Variants in DNAH6 observed in about 807,000 individuals in gnomAD.
DNAH6 encodes the protein axonemal beta dynein heavy chain 6.
In DNAH6, 340 loss-of-function variants were observed where a neutral mutation model predicts 491.4. The observed-to-expected ratio is 0.69, with a 90% CI of 0.63 to 0.76. DNAH6 has a LOEUF of 0.76. Among genes scored for constraint, DNAH6 ranks in the 30% least tolerant of loss-of-function variants. DNAH6 has a pLI of 0.00. For synonymous variants in DNAH6, 1,603 were observed against 1,686.1 expected (o/e 0.95, Z 1.21); for missense variants, 4,443 against 4,972.2 (o/e 0.89, Z 3.20).
At chr2:84,794,387 G>A (rs1678101893) in intron 68 of DNAH6, among the ~76,000 whole-genome samples, 1 of 151,454 alleles carries the variant, frequency 6.6e-6, no homozygotes, top group Non-Finnish European at 1.5e-5. Context: ...AGAGTGAACA[G>A]GCAACCCACA....
chr2:84,726,167 G>A (rs377421379), intron 60 of DNAH6, among the ~76,000 whole-genome samples: 61 of 152,276 alleles, frequency 4.0e-4, no homozygotes, highest in African/African-American at 1.3e-3. Context: ...AGGAGTGGAG[G>A]ATGCTTCTTG....
At chr2:84,624,678 C>G in intron 28 of DNAH6, 58 bp downstream of exon 28, 3 of 1,501,164 alleles carry the variant, frequency 2.0e-6, no homozygotes, top group Non-Finnish European at 1.8e-6. Context: ...AATCAAAAGT[C>G]TTGAAAAGTT....
At chr2:84,663,032 G>A (rs1238839441) in intron 37 of DNAH6, among the ~76,000 whole-genome samples, 1 of 152,188 alleles carries the variant, frequency 6.6e-6, no homozygotes, top group Non-Finnish European at 1.5e-5. Flanking sequence ...GGTCCTGACT[G>A]TTAGAAGGAA....
chr2:84,576,700 G>A (rs562095940), intron 12 of DNAH6, among the ~76,000 whole-genome samples: 1 of 152,202 alleles, frequency 6.6e-6, no homozygotes, highest in African/African-American at 2.4e-5. Flanking sequence ...GGATGAGGGA[G>A]GAAATGGAGG....
At chr2:84,798,903 G>C (rs1678604682) in intron 70 of DNAH6, among the ~76,000 whole-genome samples, 1 of 152,096 alleles carries the variant, frequency 6.6e-6, no homozygotes, top group Non-Finnish European at 1.5e-5. Flanking sequence ...TCTGTGGCCT[G>C]AGCTCGAGTA....
At chr2:84,777,610 A>G (rs926506134) in intron 64 of DNAH6, 4 of 804,846 alleles carry the variant, frequency 5.0e-6, no homozygotes, top group Non-Finnish European at 6.8e-6. Context: ...CTGGGTGCAG[A>G]GTCTTCAGGG....
intron 11 of DNAH6, among the ~76,000 whole-genome samples, chr2:84,570,931 C>T (rs373975712): frequency 1.1e-4 from 17 of 152,242 alleles, no homozygotes; most frequent in African/African-American, 3.9e-4. Context: ...CACGAACCCG[C>T]TGGGAGGAAC....
At chr2:84,526,882 T>G (rs189572169) in intron 3 of DNAH6, among the ~76,000 whole-genome samples, 1 of 152,150 alleles carries the variant, frequency 6.6e-6, no homozygotes, top group African/African-American at 2.4e-5. Context: ...AAATTTGAAT[T>G]TAAAGAAAAG....
chr2:84,500,938 A>T, the DNAH6 span, among the ~76,000 whole-genome samples: 1 of 152,022 alleles, frequency 6.6e-6, no homozygotes, highest in Non-Finnish European at 1.5e-5. Context: ...GAGTCTTTAC[A>T]TTTTTTCATA....
chr2:84,683,315 C>T (rs1693965173), intron 42 of DNAH6, among the ~76,000 whole-genome samples: 1 of 151,908 alleles, frequency 6.6e-6, no homozygotes, highest in African/African-American at 2.4e-5. Context: ...ACAAGTCTCC[C>T]CTGATTTTGT....
At chr2:84,723,588 G>A (rs938240114) in intron 60 of DNAH6, among the ~76,000 whole-genome samples, 3 of 152,144 alleles carry the variant, frequency 2.0e-5, no homozygotes, top group Non-Finnish European at 2.9e-5. Flanking sequence ...AGTCCAAACA[G>A]CACTGACCTT....
Position 84,745,224 on chromosome 2 carries a change from T to C in DNAH6, c.10487T>C (p.Leu3496Pro). The C allele has an allele frequency of 6.6e-7, 1 of 1,513,694 alleles. No homozygotes were observed. The highest frequency in any genetic ancestry group is 1.3e-5 in the South Asian group (1 of 75,808). 93.8% of individuals were successfully genotyped at this position (1,513,694 alleles called of 1,614,324 possible). A position where few individuals can be genotyped will look rare whatever the true frequency, so the allele number is the denominator to read the frequency against. ...TTGAGTTCTTTCCATAAGCTAATTC[T>C]TATTAAATGTTGTAAAGAAGAAAAG... ...AGLSSFHKLI[L>P]IKCCKEEKVV... Residue 3496 changes from leucine (L) to proline (P), a missense_variant, in exon 63 of 77, where the codon CTT (leucine) becomes CCT (proline). Transcript: ENST00000389394.
At chr2:84,662,560 T>A (rs2091478) in intron 37 of DNAH6, among the ~76,000 whole-genome samples, 1 of 152,014 alleles carries the variant, frequency 6.6e-6, no homozygotes, top group Non-Finnish European at 1.5e-5. Flanking sequence ...GGGGGAGGGG[T>A]GCCCACCATT....
chr2:84,639,004 A>G (rs1404517178), intron 31 of DNAH6, among the ~76,000 whole-genome samples: 4 of 152,170 alleles, frequency 2.6e-5, no homozygotes, highest in African/African-American at 9.7e-5. Context: ...ATCCACCCCC[A>G]TGACCCAGAC....
rs181777206 is a variant in DNAH6, at chr2:84,561,894, G to T, written c.1803+3959G>T. On this transcript the variant is annotated intron_variant, in intron 11 of 76. Coordinates refer to ENST00000389394, the MANE Select transcript of DNAH6 (RefSeq NM_001370.2). Reference sequence around the variant, plus strand: ...AACCCAGGGAATTTGGTGCTTATTAGGAACCTACTACAGGATGAGTTTCAT... The same window carrying T: ...AACCCAGGGAATTTGGTGCTTATTATGAACCTACTACAGGATGAGTTTCAT... Among the ~76,000 whole-genome samples the T allele has an allele frequency of 3.9e-5, 6 of 152,190 alleles. No homozygotes were observed. In the East Asian group the frequency reaches 1.2e-3, roughly 29 times the overall value.
rs181561159 is a variant in DNAH6 at position 84,632,563 on chromosome 2, G to A, written c.4516-1941G>A. 2.7e-3 allele frequency among the ~76,000 whole-genome samples: 410 copies of A among 152,258 alleles called. 3 individuals are homozygous for A. The highest frequency in any genetic ancestry group is 0.024 in the Admixed American group (367 of 15,298). On this transcript the variant is annotated intron_variant, in intron 29 of 76. Transcript: ENST00000389394. ...AAAACTGTTCAAAAGTATCCCTTGG[G>A]AAGTCTCCACGTATGCCAGGACTTA... is the stretch of plus-strand genomic sequence containing the variant.
chr2:84,522,663 G>A (rs1309255433), intron 2 of DNAH6, among the ~76,000 whole-genome samples: 1 of 151,946 alleles, frequency 6.6e-6, no homozygotes, highest in African/African-American at 2.4e-5. Flanking sequence ...TTTATTGAGT[G>A]TTCAACATGA....
At chr2:84,621,100 G>C (rs1002067092) in intron 24 of DNAH6, 91 bp from the exon 25 acceptor site, 3 of 1,333,790 alleles carry the variant, frequency 2.2e-6, no homozygotes, top group Admixed American at 2.2e-5. Context: ...CAGCGTTTAT[G>C]TAGCTTAGGA....
chr2:84,585,673 G>C (rs1221983087), intron 15 of DNAH6, among the ~76,000 whole-genome samples: 1 of 151,908 alleles, frequency 6.6e-6, no homozygotes, highest in African/African-American at 2.4e-5. Flanking sequence ...TAGCAGAGAG[G>C]AGACCCTGAA....
Sources: gnomAD v4.1 joint callset for allele counts (sites outside exome capture counted in the v4.1 genomes callset) on GRCh38, gnomAD v4.1.1 for gene constraint, MANE v1.5 for transcripts, NCBI Gene and HGNC (gene_info 2026-07-23, HGNC 2026-07-21) for gene names.